Variants in CLHC1 observed in about 807,000 individuals in gnomAD.
CLHC1 encodes clathrin heavy chain linker domain-containing protein 1.
A neutral mutation model predicts 69.5 loss-of-function variants in CLHC1; 72 were observed. The ratio of observed to expected loss-of-function variants is 1.04; its 90% confidence interval spans 0.86 to 1.26. The LOEUF (loss-of-function observed/expected upper bound fraction) is 1.26, where lower values mean the gene tolerates loss of function less well. CLHC1 is among the 50% of genes most tolerant of loss of function. CLHC1 has a pLI of 0.00. For synonymous variants in CLHC1, 223 were observed against 224.3 expected, an observed-to-expected ratio of 0.99 and a Z score of 0.05; for missense variants, 790 against 679.3, an observed-to-expected ratio of 1.16 and a Z score of -1.81.
In CLHC1 at chr2:55,206,376, C is replaced by G. The variant is rs769141377; in HGVS notation, c.900G>C (p.Arg300Ser). The G allele has an allele frequency of 1.9e-6, 3 of 1,546,150 alleles. No homozygotes were observed. Among genetic ancestry groups the G allele is most frequent in the Non-Finnish European group, 2.7e-6 (3 of 1,120,488 alleles). Residue 300 changes from arginine (R) to serine (S), a missense_variant and splice_region_variant, in exon 9 of 13, where the codon AGG becomes AGC. Coordinates refer to ENST00000401408, the MANE Select transcript of CLHC1 (RefSeq NM_152385.4). ...CACCAAGTGAGATTAACTCATTAAA[C>G]CTATAGCCATCACATTTTAAAATGC... ...EAEIMLHYIE[R>S]FNELISLGEY...
At chr2:55,223,978 T>G (rs1674440371) in intron 2 of CLHC1, 2 of 152,654 alleles carry the variant, frequency 1.3e-5, no homozygotes, top group African/African-American at 4.8e-5. Context: ...GTATTTTTAG[T>G]AGAGATGGGG....
At chr2:55,177,909 C>G (rs896229122) in intron 11 of CLHC1, 128 bp from the exon 12 acceptor site, 1 of 601,048 alleles carries the variant, frequency 1.7e-6, no homozygotes, top group Admixed American at 3.2e-5. Flanking sequence ...CCTCAATGAC[C>G]CACTCCAACC....
Position 55,228,165 on chromosome 2 carries a change from C to T in CLHC1, c.-216G>A, listed in dbSNP as rs1376306057. 1 of 152,220 alleles carries T rather than the reference C, an allele frequency of 6.6e-6. No homozygotes were observed. The highest frequency in any genetic ancestry group is 1.5e-5 in the Non-Finnish European group (1 of 68,068). 9.4% of individuals were successfully genotyped at this position (152,220 alleles called of 1,614,324 possible). ...TGGTATTATCCTTCCACCACACTGC[C>T]TTAGAGACTTCCTGTTTATATTCTG... On this transcript the variant is annotated 5_prime_UTR_variant, in exon 2 of 13. Transcript: ENST00000401408.
rs746713425 is a variant in CLHC1 at position 55,175,998 on chromosome 2, A to C, written c.1565-12T>G. 1.9e-6 allele frequency: 3 copies of C among 1,601,258 alleles called. No individual in the cohort carries two copies. The South Asian group carries it at 3.3e-5, about 18-fold the overall frequency. On this transcript the variant is annotated splice_polypyrimidine_tract_variant and intron_variant, in intron 12 of 12. Transcript: ENST00000401408. ...ACTTTCTACTGCATCTGTGGGGAAA[A>C]AATACAATATTATAGTATGGCACTT... is the stretch of plus-strand genomic sequence containing the variant.
At chr2:55,198,401 C>T (rs1317654597) in intron 9 of CLHC1, among the ~76,000 whole-genome samples, 3 of 152,088 alleles carry the variant, frequency 2.0e-5, no homozygotes, top group African/African-American at 7.2e-5. Context: ...GCTGGACCAA[C>T]ATGGCAAAAC....
chr2:55,206,891 G>C (rs1672498353), intron 8 of CLHC1: 1 of 153,456 alleles, frequency 6.5e-6, no homozygotes, highest in Non-Finnish European at 1.4e-5. Flanking sequence ...GGGATCACGA[G>C]GTCAGGAGAT....
At chr2:55,203,531 G>A (rs564627289) in intron 9 of CLHC1, among the ~76,000 whole-genome samples, 15 of 152,282 alleles carry the variant, frequency 9.9e-5, no homozygotes, top group Non-Finnish European at 1.9e-4. Context: ...ACTCACTTTT[G>A]ACAAAGGTGA....
chr2:55,177,913 T>C, intron 11 of CLHC1, 132 bp from the exon 12 acceptor site: 1 of 593,068 alleles, frequency 1.7e-6, no homozygotes, highest in Non-Finnish European at 2.8e-6. Flanking sequence ...AATGACCCAC[T>C]CCAACCTAAA....
Position 55,175,601 on chromosome 2 carries a change from G to T in CLHC1, c.*189C>A. 3.8e-6 allele frequency: 2 copies of T among 527,926 alleles called. No individual in the cohort carries two copies. The highest frequency in any genetic ancestry group is 6.7e-6 in the Non-Finnish European group (2 of 298,528). 32.7% of individuals were successfully genotyped at this position (527,926 alleles called of 1,614,324 possible). On this transcript the variant is annotated 3_prime_UTR_variant, in exon 13 of 13. Coordinates refer to ENST00000401408, the MANE Select transcript of CLHC1 (RefSeq NM_152385.4). ...GATTCAATATAAGAAATGACCATAT[G>T]GGGAAAAGGAAGCAATAGTATAAAT...
At chr2:55,176,033 T>G in intron 12 of CLHC1, 47 bp from the exon 13 acceptor site, 6 of 1,460,072 alleles carry the variant, frequency 4.1e-6, no homozygotes, top group Non-Finnish European at 5.7e-6. Flanking sequence ...TATTTGATAA[T>G]CTATACTTTA....
chr2:55,174,003 G>T lies in CLHC1; in HGVS notation c.*1787C>A, dbSNP rs1357106250. Among the ~76,000 whole-genome samples, 3 of 117,762 alleles carry T rather than the reference G, an allele frequency of 2.5e-5. No individual in the cohort carries two copies. Among genetic ancestry groups the T allele is most frequent in the African/African-American group, 6.6e-5 (2 of 30,110 alleles). 77.3% of individuals were successfully genotyped at this position (117,762 alleles called of 152,430 possible). Reference sequence around the variant, plus strand: ...TAATAGCTTTCTATCAATCATATAGGTCTCAAAGGAAAAAAAAAAAAAAAA... The same window carrying T: ...TAATAGCTTTCTATCAATCATATAGTTCTCAAAGGAAAAAAAAAAAAAAAA... On this transcript the variant is annotated 3_prime_UTR_variant, in exon 13 of 13. Transcript: ENST00000401408.
At chr2:55,189,107 T>C (rs1356989515) in intron 9 of CLHC1, among the ~76,000 whole-genome samples, 1 of 152,126 alleles carries the variant, frequency 6.6e-6, no homozygotes, top group African/African-American at 2.4e-5. Flanking sequence ...TAATTCAAGG[T>C]AGACTCTAGC....
At chr2:55,208,843 G>A (rs1005845070) in intron 7 of CLHC1, 133 bp from the exon 8 acceptor site, 8 of 487,120 alleles carry the variant, frequency 1.6e-5, no homozygotes, top group Non-Finnish European at 2.2e-5. Flanking sequence ...CCTAAACTTA[G>A]TGGCCTCCCC....
At position 55,205,271 on chromosome 2, in the gene CLHC1, C is replaced by G. The variant is rs571951259; in HGVS notation, c.1006+999G>C. 2.0e-5 allele frequency among the ~76,000 whole-genome samples: 3 copies of G among 152,126 alleles called. No homozygotes were observed. The East Asian group carries it at 5.8e-4, about 29-fold the overall frequency. On this transcript the variant is annotated intron_variant, in intron 9 of 12. Transcript: ENST00000401408. ...CAGCAATCCCGCTACTGGGTATCTACCCAAAGGAAAATAAACTATTATATG... is the reference window on the plus strand; with the variant it reads ...CAGCAATCCCGCTACTGGGTATCTAGCCAAAGGAAAATAAACTATTATATG...
chr2:55,202,007 A>G (rs141699486), intron 9 of CLHC1, among the ~76,000 whole-genome samples: 1 of 152,294 alleles, frequency 6.6e-6, no homozygotes, highest in Non-Finnish European at 1.5e-5. Context: ...TAGAAGGAAT[A>G]TACCTCAACT....
rs370313472 is a variant in CLHC1 at position 55,209,844 on chromosome 2, G to A, written c.500-13C>T. On this transcript the variant is annotated splice_polypyrimidine_tract_variant and intron_variant, in intron 5 of 12. Transcript: ENST00000401408. ...TGAAGAGTCATGCCTATGGGGAAAG[G>A]GAACAAATCAAACACGACAAGCCAT... is the stretch of plus-strand genomic sequence containing the variant. The A allele has an allele frequency of 1.8e-4, 278 of 1,572,016 alleles. 1 individual carries two copies. The East Asian group carries it at 5.5e-3, about 31-fold the overall frequency.
At position 55,225,065 on chromosome 2, in the gene CLHC1, C is replaced by T. The variant is rs540665933; in HGVS notation, c.-82-2572G>A. 1.2e-4 allele frequency: 18 copies of T among 155,058 alleles called. No homozygotes were observed. In the South Asian group the frequency reaches 3.6e-3, roughly 31 times the overall value. The allele number at this position is 155,058 out of a possible 1,614,324, so 9.6% of individuals were successfully genotyped here. A position where few individuals can be genotyped will look rare whatever the true frequency, so the allele number is the denominator to read the frequency against. On this transcript the variant is annotated intron_variant, in intron 2 of 12. Transcript: ENST00000401408. Reference sequence around the variant, plus strand: ...GCCCAAAGGCAGACAGATGCCAGACCAGACAGAGCCGGGAACCCGGCCAGG... The same window carrying T: ...GCCCAAAGGCAGACAGATGCCAGACTAGACAGAGCCGGGAACCCGGCCAGG...
chr2:55,204,742 A>G (rs1197354566), intron 9 of CLHC1, among the ~76,000 whole-genome samples: 1 of 152,206 alleles, frequency 6.6e-6, no homozygotes, highest in Non-Finnish European at 1.5e-5. Context: ...ATGGAGTACT[A>G]TTCAGTCATA....
At position 55,197,027 on chromosome 2, in the gene CLHC1, T is replaced by C. The variant is rs184878705; in HGVS notation, c.1006+9243A>G. On this transcript the variant is annotated intron_variant, in intron 9 of 12. Transcript: ENST00000401408. ...CACCACTAGCTGACTGAAGAGGCTT[T>C]GGGCCTTGACTGAACATTGGTGGTA... 1.1e-4 allele frequency among the ~76,000 whole-genome samples: 16 copies of C among 152,266 alleles called. No homozygotes were observed. The East Asian group carries it at 2.9e-3, about 28-fold the overall frequency.
Sources: allele counts gnomAD v4.1 joint callset (sites outside exome capture counted in the v4.1 genomes callset), GRCh38; gene constraint gnomAD v4.1.1; transcripts MANE v1.5; gene names NCBI Gene and HGNC (gene_info 2026-07-23, HGNC 2026-07-21).